SOX11: variants seen among roughly 807,000 people sequenced by gnomAD.
SOX11 encodes the protein transcription factor SOX-11.
A neutral mutation model predicts 16.7 loss-of-function variants in SOX11; 5 were observed. That is an observed-to-expected ratio of 0.30 (90% CI 0.16 to 0.63). The LOEUF is 0.63. Among genes scored for constraint, SOX11 ranks in the 20% least tolerant of loss-of-function variants. The pLI is 0.82. For missense variants in SOX11, 492 were observed against 641.5 expected (o/e 0.77, Z 2.52); for synonymous variants, 363 against 298.8 (o/e 1.21, Z -2.22).
In SOX11 at chr2:5,695,432, G is replaced by GA. The variant is rs113402297; in HGVS notation, c.*1395dup. On this transcript the variant is annotated 3_prime_UTR_variant, in exon 1 of 1. Transcript: ENST00000322002. ...TGGATTCTCGATTTTTAGCAAAAAA[G>GA]AAAAAAAAAAGGCACATAGTTTAAA... The GA allele has an allele frequency of 8.1e-4, 129 of 158,514 alleles. 1 individual carries two copies. In the Middle Eastern group the frequency reaches 0.014, roughly 18 times the overall value. The allele number at this position is 158,514 out of a possible 1,614,324, so 9.8% of individuals were successfully genotyped here. A position where few individuals can be genotyped will look rare whatever the true frequency, so the allele number is the denominator to read the frequency against.
Position 5,693,624 on chromosome 2 carries a change from G to A in SOX11, c.903G>A (p.Ala301=), listed in dbSNP as rs1197745134. ...TCTACGACGAGGTGCGGGCCGGCGCGACCTCGGGCGCCGGGGGCGGCAGCC... is the reference window on the plus strand; with the variant it reads ...TCTACGACGAGGTGCGGGCCGGCGCAACCTCGGGCGCCGGGGGCGGCAGCC... The part of the protein sequence containing the change: ...ASLYDEVRAG[A]TSGAGGGSRL... Residue 301 remains alanine, a synonymous_variant, in exon 1 of 1, where the codon GCG becomes GCA. Transcript: ENST00000322002. The surrounding 1 kb of genome is among the most constrained non-coding windows in gnomAD (Gnocchi z 8.6). 1.3e-6 allele frequency: 2 copies of A among 1,572,658 alleles called. No individual in the cohort carries two copies. Among genetic ancestry groups the A allele is most frequent in the South Asian group, 2.3e-5 (2 of 87,770 alleles).
rs1054003196 is a variant in SOX11, at chr2:5,696,223, G to A, written c.*2176G>A. On this transcript the variant is annotated 3_prime_UTR_variant, in exon 1 of 1. Transcript: ENST00000322002. ...CGCGTGTGCTCAGAGGTGGTTGTTG[G>A]CGGAGAACGCCGCCGCAGTGTTTGA... 1 of 167,372 alleles carries A rather than the reference G, an allele frequency of 6.0e-6. No individual in the cohort carries two copies. The highest frequency in any genetic ancestry group is 1.5e-5 in the Non-Finnish European group (1 of 68,300). 10.4% of individuals were successfully genotyped at this position (167,372 alleles called of 1,614,324 possible).
Position 5,693,563 on chromosome 2 carries a change from T to G in SOX11, c.842T>G (p.Leu281Arg). The G allele has an allele frequency of 6.4e-7, 1 of 1,563,120 alleles. No homozygotes were observed. Among genetic ancestry groups the G allele is most frequent in the Non-Finnish European group, 8.6e-7 (1 of 1,161,800 alleles). Residue 281 changes from leucine (L) to arginine (R), a missense_variant, in exon 1 of 1, where the codon CTG becomes CGG. Leu to Arg is a moderately radical substitution (Grantham distance 102, BLOSUM62 -2). Transcript: ENST00000322002. The surrounding 1 kb of genome is among the most constrained non-coding windows in gnomAD (Gnocchi z 8.6). ...NVAKVPASPT[L>R]SSSAESPEGA... is the part of the protein sequence containing the mutation. ...GCCAAAGTGCCCGCCAGCCCTACGC[T>G]GAGCAGCTCGGCGGAGTCCCCCGAG...
At position 5,694,799 on chromosome 2, in the gene SOX11, T is replaced by C. The variant is rs2103277946; in HGVS notation, c.*752T>C. 1 of 156,516 alleles carries C rather than the reference T, an allele frequency of 6.4e-6. No homozygotes were observed. The highest frequency in any genetic ancestry group is 7.0e-5 in the Admixed American group (1 of 14,216). The allele number at this position is 156,516 out of a possible 1,614,324, so 9.7% of individuals were successfully genotyped here. A position where few individuals can be genotyped will look rare whatever the true frequency, so the allele number is the denominator to read the frequency against. On this transcript the variant is annotated 3_prime_UTR_variant, in exon 1 of 1. Coordinates refer to ENST00000322002, the MANE Select transcript of SOX11 (RefSeq NM_003108.4). ...TACAAACGCTTACAAAAAAAAAAACTGTGAACTGACTTAAGATCAGAGTTT... is the reference window on the plus strand; with the variant it reads ...TACAAACGCTTACAAAAAAAAAAACCGTGAACTGACTTAAGATCAGAGTTT...
chr2:5,693,861 G>T lies in SOX11; in HGVS notation c.1140G>T (p.Gln380His). Reference protein sequence around the residue: ...SQSAHSASEQQLGGGAAAGNL... With the variant: ...SQSAHSASEQHLGGGAAAGNL... The stretch of plus-strand genomic sequence containing the variant: ...GCGCGCACAGCGCCAGCGAGCAGCA[G>T]CTGGGGGGCGGCGCGGCGGCCGGGA... Residue 380 changes from glutamine to histidine, a missense_variant, in exon 1 of 1, where the codon CAG becomes CAT. Gln to His is a conservative substitution (Grantham distance 24, BLOSUM62 0). This residue lies in a region of SOX11 where 389 missense variants were observed against 389.0 expected (regional missense o/e 1.00). Coordinates refer to ENST00000322002, the MANE Select transcript of SOX11 (RefSeq NM_003108.4). The surrounding 1 kb of genome is among the most constrained non-coding windows in gnomAD (Gnocchi z 8.6). 1.3e-6 allele frequency: 2 copies of T among 1,551,448 alleles called. No homozygotes were observed. The highest frequency in any genetic ancestry group is 1.7e-6 in the Non-Finnish European group (2 of 1,147,000).
rs1427450153 is a variant in SOX11 at position 5,698,157 on chromosome 2, G to A, written c.*4110G>A. On this transcript the variant is annotated 3_prime_UTR_variant, in exon 1 of 1. Transcript: ENST00000322002. ...AATGCGCTTTTTAACAATATTTAAG[G>A]CTGTTTTGATGAGTGCGTTGTGAGA... is the stretch of plus-strand genomic sequence containing the variant. 6.0e-6 allele frequency: 1 copy of A among 167,038 alleles called. No individual in the cohort carries two copies. The highest frequency in any genetic ancestry group is 1.5e-5 in the Non-Finnish European group (1 of 68,110). The allele number at this position is 167,038 out of a possible 1,614,324, so 10.3% of individuals were successfully genotyped here. A position where few individuals can be genotyped will look rare whatever the true frequency, so the allele number is the denominator to read the frequency against.
rs1665804845 is a variant in SOX11, at chr2:5,699,855, C to A, written c.*5808C>A. The A allele has an allele frequency of 6.0e-6, 1 of 166,498 alleles. No homozygotes were observed. The highest frequency in any genetic ancestry group is 1.5e-5 in the Non-Finnish European group (1 of 68,050). The allele number at this position is 166,498 out of a possible 1,614,324, so 10.3% of individuals were successfully genotyped here. A position where few individuals can be genotyped will look rare whatever the true frequency, so the allele number is the denominator to read the frequency against. ...TGAGTTTATAAGAGAATTTCACAAA[C>A]AAGTAGTTTTTTAGTGAACTTAAAA... On this transcript the variant is annotated 3_prime_UTR_variant, in exon 1 of 1. Transcript: ENST00000322002.
chr2:5,696,040 T>A lies in SOX11; in HGVS notation c.*1993T>A, dbSNP rs887124318. ...GGGGTCCTGCTCGCTGGGGCTTGTGTGTTCTCTGCGGCGGGCCGCGTCCCC... is the reference window on the plus strand; with the variant it reads ...GGGGTCCTGCTCGCTGGGGCTTGTGAGTTCTCTGCGGCGGGCCGCGTCCCC... On this transcript the variant is annotated 3_prime_UTR_variant, in exon 1 of 1. Coordinates refer to ENST00000322002, the MANE Select transcript of SOX11 (RefSeq NM_003108.4). 6.0e-6 allele frequency: 1 copy of A among 165,880 alleles called. No individual in the cohort carries two copies. Among genetic ancestry groups the A allele is most frequent in the East Asian group, 1.9e-4 (1 of 5,166 alleles). The allele number at this position is 165,880 out of a possible 1,614,324, so 10.3% of individuals were successfully genotyped here. A position where few individuals can be genotyped will look rare whatever the true frequency, so the allele number is the denominator to read the frequency against.
rs1020665753 is a variant in SOX11, at chr2:5,696,997, C to G, written c.*2950C>G. ...TGAACCCCGTTTGCCTGTCCACACC[C>G]CCTCGCTCCCCACCATTTTTCCTGA... On this transcript the variant is annotated 3_prime_UTR_variant, in exon 1 of 1. Coordinates refer to ENST00000322002, the MANE Select transcript of SOX11 (RefSeq NM_003108.4). The G allele has an allele frequency of 1.3e-5, 2 of 155,762 alleles. No individual in the cohort carries two copies. The highest frequency in any genetic ancestry group is 1.3e-4 in the Admixed American group (2 of 15,290). 9.6% of individuals were successfully genotyped at this position (155,762 alleles called of 1,614,324 possible).
rs746589681 is a variant in SOX11, at chr2:5,693,613, C to A, written c.892C>A (p.Arg298=). Residue 298 remains arginine (R), a synonymous_variant, in exon 1 of 1, where the codon CGG becomes AGG. Coordinates refer to ENST00000322002, the MANE Select transcript of SOX11 (RefSeq NM_003108.4). This position sits in a 1 kb window ranked among gnomAD's most constrained non-coding sequence, Gnocchi z 8.6. ...PEGASLYDEV[R]AGATSGAGGG... ...GGGAGCGAGCCTCTACGACGAGGTG[C>A]GGGCCGGCGCGACCTCGGGCGCCGG... The A allele has an allele frequency of 6.4e-7, 1 of 1,565,546 alleles. No homozygotes were observed. The highest frequency in any genetic ancestry group is 8.6e-7 in the Non-Finnish European group (1 of 1,163,640).
chr2:5,692,660 G>A lies in SOX11; in HGVS notation c.-62G>A. ...CAGGAAGGTGGAGGGGTGGGAGGGGGAGGGGGACCTCCGCACGAGACCCAG... is the reference window on the plus strand; with the variant it reads ...CAGGAAGGTGGAGGGGTGGGAGGGGAAGGGGGACCTCCGCACGAGACCCAG... On this transcript the variant is annotated 5_prime_UTR_variant, in exon 1 of 1. Transcript: ENST00000322002. 7.2e-7 allele frequency: 1 copy of A among 1,395,654 alleles called. No individual in the cohort carries two copies. The highest frequency in any genetic ancestry group is 9.6e-7 in the Non-Finnish European group (1 of 1,039,408). 86.5% of individuals were successfully genotyped at this position (1,395,654 alleles called of 1,614,324 possible).
At position 5,699,034 on chromosome 2, in the gene SOX11, G is replaced by C. The variant is rs1353132811; in HGVS notation, c.*4987G>C. 6.0e-6 allele frequency: 1 copy of C among 166,880 alleles called. No homozygotes were observed. The highest frequency in any genetic ancestry group is 2.4e-5 in the African/African-American group (1 of 41,406). 10.3% of individuals were successfully genotyped at this position (166,880 alleles called of 1,614,324 possible). A position where few individuals can be genotyped will look rare whatever the true frequency, so the allele number is the denominator to read the frequency against. On this transcript the variant is annotated 3_prime_UTR_variant, in exon 1 of 1. Coordinates refer to ENST00000322002, the MANE Select transcript of SOX11 (RefSeq NM_003108.4). Reference sequence around the variant, plus strand: ...TATTCTCTGATATGATTAATAATATGTATATTCTTACTTTTCTTCTAATGG... The same window carrying C: ...TATTCTCTGATATGATTAATAATATCTATATTCTTACTTTTCTTCTAATGG...
Position 5,699,766 on chromosome 2 carries a change from T to C in SOX11, c.*5719T>C, listed in dbSNP as rs1665803234. 6.0e-6 allele frequency: 1 copy of C among 166,448 alleles called. No individual in the cohort carries two copies. The highest frequency in any genetic ancestry group is 2.1e-4 in the South Asian group (1 of 4,776). 10.3% of individuals were successfully genotyped at this position (166,448 alleles called of 1,614,324 possible). On this transcript the variant is annotated 3_prime_UTR_variant, in exon 1 of 1. Coordinates refer to ENST00000322002, the MANE Select transcript of SOX11 (RefSeq NM_003108.4). The stretch of plus-strand genomic sequence containing the variant: ...CATACCTTCGTTTTTTTCATTGTAC[T>C]TTTTTAACACTACCTATATCCATTA...
rs1665655618 is a variant in SOX11 at position 5,692,702 on chromosome 2, G to T, written c.-20G>T. On this transcript the variant is annotated 5_prime_UTR_variant, in exon 1 of 1. Transcript: ENST00000322002. The stretch of plus-strand genomic sequence containing the variant: ...GAGACCCAGCGGCCCGGGTTGGAGC[G>T]TCCAGCCCTGCAGCGGATCATGGTG... The T allele has an allele frequency of 1.3e-6, 2 of 1,551,642 alleles. No homozygotes were observed. Among genetic ancestry groups the T allele is most frequent in the South Asian group, 2.5e-5 (2 of 80,412 alleles).
Position 5,698,084 on chromosome 2 carries a change from T to C in SOX11, c.*4037T>C, listed in dbSNP as rs1572219445. On this transcript the variant is annotated 3_prime_UTR_variant, in exon 1 of 1. Transcript: ENST00000322002. ...CTTGATACAAAAATAAAAGTAATTG[T>C]TTGGCAATCTAAATTTAAAACCTGT... 1 of 166,974 alleles carries C rather than the reference T, an allele frequency of 6.0e-6. No individual in the cohort carries two copies. Among genetic ancestry groups the C allele is most frequent in the African/African-American group, 2.4e-5 (1 of 41,458 alleles). The allele number at this position is 166,974 out of a possible 1,614,324, so 10.3% of individuals were successfully genotyped here.
Position 5,692,631 on chromosome 2 carries a change from T to G in SOX11, c.-91T>G. The stretch of plus-strand genomic sequence containing the variant: ...GCGGGGTGCCGAGGACTTTGCAACT[T>G]GCCCAGGAAGGTGGAGGGGTGGGAG... On this transcript the variant is annotated 5_prime_UTR_variant, in exon 1 of 1. Transcript: ENST00000322002. 9.8e-7 allele frequency: 1 copy of G among 1,018,426 alleles called. No homozygotes were observed. The allele number at this position is 1,018,426 out of a possible 1,614,324, so 63.1% of individuals were successfully genotyped here. A position where few individuals can be genotyped will look rare whatever the true frequency, so the allele number is the denominator to read the frequency against.
rs1665795753 is a variant in SOX11, at chr2:5,699,291, G to C, written c.*5244G>C. The C allele has an allele frequency of 6.0e-6, 1 of 166,786 alleles. No individual in the cohort carries two copies. The highest frequency in any genetic ancestry group is 1.5e-5 in the Non-Finnish European group (1 of 68,086). The allele number at this position is 166,786 out of a possible 1,614,324, so 10.3% of individuals were successfully genotyped here. The stretch of plus-strand genomic sequence containing the variant: ...ACAGTTTCAGGGAAGATTTTTTCAG[G>C]ATATTTCTCAGTTATTCTAAGGGCC... On this transcript the variant is annotated 3_prime_UTR_variant, in exon 1 of 1. Coordinates refer to ENST00000322002, the MANE Select transcript of SOX11 (RefSeq NM_003108.4).
rs144157187 is a variant in SOX11 at position 5,698,491 on chromosome 2, A to C, written c.*4444A>C. The stretch of plus-strand genomic sequence containing the variant: ...AAATTGAACCAGCATTCTCTTATTA[A>C]TTCTTTAAACTGTGGAAGTAATTTC... On this transcript the variant is annotated 3_prime_UTR_variant, in exon 1 of 1. Coordinates refer to ENST00000322002, the MANE Select transcript of SOX11 (RefSeq NM_003108.4). The C allele has an allele frequency of 5.1e-3, 858 of 167,034 alleles. 10 individuals carry two copies. The highest frequency in any genetic ancestry group is 0.019 in the African/African-American group (778 of 41,498). 10.3% of individuals were successfully genotyped at this position (167,034 alleles called of 1,614,324 possible).
chr2:5,696,778 G>A lies in SOX11; in HGVS notation c.*2731G>A, dbSNP rs961582438. The A allele has an allele frequency of 1.3e-5, 2 of 152,618 alleles. No homozygotes were observed. The highest frequency in any genetic ancestry group is 2.9e-5 in the Non-Finnish European group (2 of 67,972). 9.5% of individuals were successfully genotyped at this position (152,618 alleles called of 1,614,324 possible). ...GGAAGAAAGCAAACCCGGGGAGCAG[G>A]CGGCTGCCGCACCCGCGCACCCCGG... On this transcript the variant is annotated 3_prime_UTR_variant, in exon 1 of 1. Coordinates refer to ENST00000322002, the MANE Select transcript of SOX11 (RefSeq NM_003108.4).
Sources: allele counts gnomAD v4.1 joint callset, GRCh38; gene constraint gnomAD v4.1.1; regional missense constraint gnomAD v4.1.1; non-coding constraint Gnocchi (gnomAD v3.1); transcripts MANE v1.5; gene names NCBI Gene and HGNC (gene_info 2026-07-23, HGNC 2026-07-21).